The following ZC3H7B variants were observed in gnomAD, a reference collection of about 807,000 sequenced individuals.
ZC3H7B encodes zinc finger CCCH domain-containing protein 7B.
In ZC3H7B, 35 loss-of-function variants were observed where a neutral mutation model predicts 116.0. That is an observed-to-expected ratio of 0.30 (90% CI 0.23 to 0.40). ZC3H7B has a LOEUF of 0.40. Ranked by LOEUF, ZC3H7B falls within the 10% of genes least tolerant of loss-of-function variation. ZC3H7B has a pLI of 1.00. For missense variants in ZC3H7B, 1,011 were observed against 1,321.5 expected (o/e 0.77, Z 3.64); for synonymous variants, 502 against 545.6 (o/e 0.92, Z 1.11).
At chr22:41,332,903 T>C (rs1437576170) in intron 7 of ZC3H7B, 1 of 152,320 alleles carries the variant, frequency 6.6e-6, no homozygotes, top group Non-Finnish European at 1.5e-5. Flanking sequence ...CTGTCCTGAG[T>C]TGGGGACTCC....
chr22:41,348,828 G>C (rs2036621267), intron 15 of ZC3H7B, among the ~76,000 whole-genome samples: 1 of 152,244 alleles, frequency 6.6e-6, no homozygotes, highest in Non-Finnish European at 1.5e-5. Context: ...TGCAGGACCG[G>C]CTCTGCAGAA....
chr22:41,353,458 T>C (rs1473245478), intron 17 of ZC3H7B, among the ~76,000 whole-genome samples: 1 of 152,258 alleles, frequency 6.6e-6, no homozygotes, highest in Non-Finnish European at 1.5e-5. Context: ...TAAGCTGCCC[T>C]GTGCTCACAT....
At chr22:41,343,634 G>A in intron 13 of ZC3H7B, 58 bp downstream of exon 13, 13 of 1,500,160 alleles carry the variant, frequency 8.7e-6, no homozygotes, top group Non-Finnish European at 1.2e-5. Context: ...TCCACCCCCA[G>A]CCGCTGCTCT....
chr22:41,356,890 G>A, intron 22 of ZC3H7B, 82 bp downstream of exon 22: 1 of 1,584,042 alleles, frequency 6.3e-7, no homozygotes, highest in Non-Finnish European at 8.6e-7. Context: ...GCTCCTCTTG[G>A]CCTGGAGGTG....
At position 41,332,355 on chromosome 22, in the gene ZC3H7B, C is replaced by T. The variant is rs771723765; in HGVS notation, c.582+128C>T. ...CTCCGCCTCCCTAGGAGGTACCTCC[C>T]GTGTCCACGGGGGCAGGATGTGGGG... On this transcript the variant is annotated intron_variant, in intron 7 of 22. Transcript: ENST00000352645. 6.2e-6 allele frequency: 7 copies of T among 1,137,102 alleles called. No homozygotes were observed. In the Admixed American group the frequency reaches 9.1e-5, roughly 15 times the overall value. 70.4% of individuals were successfully genotyped at this position (1,137,102 alleles called of 1,614,324 possible).
At chr22:41,322,673 A>G (rs1366626067) in intron 2 of ZC3H7B, among the ~76,000 whole-genome samples, 3 of 152,178 alleles carry the variant, frequency 2.0e-5, no homozygotes, top group African/African-American at 4.8e-5. Flanking sequence ...CACCCTTGCA[A>G]TCCTGCGTTC....
chr22:41,350,312 T>C (rs2036640083), intron 16 of ZC3H7B, among the ~76,000 whole-genome samples: 1 of 152,178 alleles, frequency 6.6e-6, no homozygotes, highest in African/African-American at 2.4e-5. Flanking sequence ...CTCTAGGCCT[T>C]AAACAGGAAC....
In ZC3H7B at chr22:41,318,240, G is replaced by A. The variant is rs1475298229; in HGVS notation, c.-6-2415G>A. 3.3e-5 allele frequency among the ~76,000 whole-genome samples: 5 copies of A among 151,662 alleles called. No homozygotes were observed. In the South Asian group the frequency reaches 1.0e-3, roughly 32 times the overall value. The stretch of plus-strand genomic sequence containing the variant: ...ACTTGAGACCAGGAGTTTAAGACCA[G>A]CCTGAGAGGCTGGGCGCGGTGGCTC... On this transcript the variant is annotated intron_variant, in intron 1 of 22. Coordinates refer to ENST00000352645, the MANE Select transcript of ZC3H7B (RefSeq NM_017590.6).
intron 11 of ZC3H7B, 101 bp from the exon 12 acceptor site, chr22:41,342,427 TA>T (rs1407409382): frequency 4.7e-6 from 5 of 1,072,892 alleles, no homozygotes; most frequent in Non-Finnish European, 5.6e-6. Context: ...TTGGGTAGGA[TA>T]GGGGGGTCAT....
At position 41,327,355 on chromosome 22, in the gene ZC3H7B, C is replaced by G. The variant is rs1392598246; in HGVS notation, c.435C>G (p.Ala145=). The G allele has an allele frequency of 1.2e-6, 2 of 1,610,934 alleles. No individual in the cohort carries two copies. Among genetic ancestry groups the G allele is most frequent in the African/African-American group, 2.7e-5 (2 of 74,936 alleles). ...AGTGCAGCAGCCGGTGTTCCCTCGC[C>G]CTGCCCCACGTGAGTGTGGCTCTGC... ...AYECSSRCSL[A]LPHDESVTQL... is the part of the protein sequence containing the mutation. The change falls in exon 5 of 23, where the codon GCC becomes GCG. Residue 145 remains alanine (A), a synonymous_variant. Coordinates refer to ENST00000352645, the MANE Select transcript of ZC3H7B (RefSeq NM_017590.6). This position sits in a 1 kb window ranked among gnomAD's most constrained non-coding sequence, Gnocchi z 4.5.
Position 41,341,074 on chromosome 22 carries a change from T to C in ZC3H7B, c.1139-14T>C, listed in dbSNP as rs951301067. 6.2e-7 allele frequency: 1 copy of C among 1,611,818 alleles called. No individual in the cohort carries two copies. The highest frequency in any genetic ancestry group is 1.7e-4 in the Middle Eastern group (1 of 6,054). ...AGCCAGAGCCACTGACCCCTGTGTC[T>C]TCTCCCTGCCCAGAGGAGACCAACT... is the stretch of plus-strand genomic sequence containing the variant. On this transcript the variant is annotated splice_polypyrimidine_tract_variant and intron_variant, in intron 10 of 22. Transcript: ENST00000352645.
chr22:41,355,893 C>A (rs1368820017), intron 19 of ZC3H7B, 31 bp downstream of exon 19: 1 of 1,611,950 alleles, frequency 6.2e-7, no homozygotes, highest in Admixed American at 1.7e-5. Context: ...CTGGGGGTCC[C>A]CCAGGAGGCA....
intron 1 of ZC3H7B, among the ~76,000 whole-genome samples, chr22:41,317,709 A>T (rs1412225528): frequency 6.6e-6 from 1 of 152,136 alleles, no homozygotes. Context: ...AGTTGAGCCC[A>T]GGAGATGGAG....
At chr22:41,342,838 A>G (rs1404403013) in intron 12 of ZC3H7B, among the ~76,000 whole-genome samples, 1 of 152,190 alleles carries the variant, frequency 6.6e-6, no homozygotes, top group Non-Finnish European at 1.5e-5. Flanking sequence ...GAGAAACACT[A>G]ACATGGTCAG....
intron 1 of ZC3H7B, among the ~76,000 whole-genome samples, chr22:41,319,568 TAAAAAAAA>T (rs71202700): frequency 0.024 from 1,575 of 65,664 alleles, 15 homozygotes; most frequent in South Asian, 0.039. Flanking sequence ...AGTCTCCGGC[TAAAAAAAA>T]AAAAAAAAAA....
chr22:41,345,802 G>T (rs1462375852), intron 13 of ZC3H7B, among the ~76,000 whole-genome samples: 1 of 151,822 alleles, frequency 6.6e-6, no homozygotes, highest in African/African-American at 2.4e-5. Context: ...AAGGGGGCCT[G>T]GTATTTGGAA....
chr22:41,304,675 T>C (rs1569228052), intron 1 of ZC3H7B, among the ~76,000 whole-genome samples: 2 of 152,168 alleles, frequency 1.3e-5, no homozygotes, highest in Non-Finnish European at 2.9e-5. Flanking sequence ...ATGGGGAGGC[T>C]TGCCAGGGTG....
chr22:41,339,783 C>T, intron 9 of ZC3H7B, 33 bp from the exon 10 acceptor site: 14 of 1,553,816 alleles, frequency 9.0e-6, no homozygotes, highest in Non-Finnish European at 1.2e-5. Flanking sequence ...GTCCTGTTTT[C>T]CTCTGACCCC....
intron 10 of ZC3H7B, among the ~76,000 whole-genome samples, chr22:41,340,373 G>A (rs1050799659): frequency 2.0e-5 from 3 of 152,064 alleles, no homozygotes; most frequent in African/African-American, 4.8e-5. Context: ...CGACAGTCCA[G>A]GCCTCTAGAC....
Sources: allele counts gnomAD v4.1 joint callset (sites outside exome capture counted in the v4.1 genomes callset), GRCh38; gene constraint gnomAD v4.1.1; non-coding constraint Gnocchi (gnomAD v3.1); transcripts MANE v1.5; gene names NCBI Gene and HGNC (gene_info 2026-07-23, HGNC 2026-07-21).